Variants in DST observed in about 807,000 individuals in gnomAD.
The protein encoded by DST is bullous pemphigoid antigen.
A neutral mutation model predicts 875.2 loss-of-function variants in DST; 253 were observed. The ratio of observed to expected loss-of-function variants is 0.29; its 90% confidence interval spans 0.26 to 0.32. The LOEUF is 0.32. Among genes scored for constraint, DST ranks in the 10% least tolerant of loss-of-function variants. The pLI, the probability that DST is intolerant of heterozygous loss-of-function variation, is 1.00. For synonymous variants in DST, 3,124 were observed against 3,197.1 expected, an observed-to-expected ratio of 0.98 and a Z score of 0.77; for missense variants, 8,287 against 9,111.6, an observed-to-expected ratio of 0.91 and a Z score of 3.68.
At chr6:56,770,015 G>T (rs1211077380) in intron 4 of DST, among the ~76,000 whole-genome samples, 1 of 152,164 alleles carries the variant, frequency 6.6e-6, no homozygotes, top group Non-Finnish European at 1.5e-5. Flanking sequence ...TGGCTAAAGA[G>T]TTATTTATTG....
intron 32 of DST, 79 bp downstream of exon 32, chr6:56,629,171 C>G (rs755828857): frequency 1.4e-6 from 2 of 1,396,310 alleles, no homozygotes; most frequent in African/African-American, 1.4e-5. Flanking sequence ...AAAAAATAGC[C>G]TCATATGTGT....
intron 27 of DST, 32 bp from the exon 28 acceptor site, chr6:56,633,069 T>C: frequency 6.3e-7 from 1 of 1,587,976 alleles, no homozygotes; most frequent in South Asian, 1.1e-5. Context: ...TGTAATTCAT[T>C]CTATTACTCA....
intron 9 of DST, among the ~76,000 whole-genome samples, chr6:56,688,907 G>C (rs2099206771): frequency 6.6e-6 from 1 of 151,942 alleles, no homozygotes; most frequent in Non-Finnish European, 1.5e-5. Flanking sequence ...AATAACACTG[G>C]ACAAACAAAA....
chr6:56,528,673 T>C (rs1302173017), intron 67 of DST, among the ~76,000 whole-genome samples, 168 bp downstream of exon 67: 1 of 152,164 alleles, frequency 6.6e-6, no homozygotes, highest in Non-Finnish European at 1.5e-5. Flanking sequence ...AAAAGTGAGA[T>C]CATATCCTAA....
intron 9 of DST, among the ~76,000 whole-genome samples, chr6:56,690,878 G>A (rs567865698): frequency 1.2e-4 from 19 of 152,266 alleles, no homozygotes; most frequent in African/African-American, 4.6e-4. Flanking sequence ...CTAAACTCTT[G>A]ATTTGGACTC....
In DST at chr6:56,501,083, A is replaced by G. The variant is rs771233472; in HGVS notation, c.19893T>C (p.His6631=). 12 of 1,612,168 alleles carry G rather than the reference A, an allele frequency of 7.4e-6. No homozygotes were observed. The Admixed American group carries it at 1.7e-4, about 22-fold the overall frequency. Residue 6631 remains histidine (H), a synonymous_variant, in exon 80 of 104, where the codon CAT becomes CAC. Transcript: ENST00000680361. The part of the protein sequence containing the change: ...PKAIEIELAK[H]HVLQNDVLAH... ...ACATGCATTAACAGCTACGTACATG[A>G]TGCTTGGCAAGTTCAATTTCAATGG...
At chr6:56,824,437 G>A (rs1439964825) in intron 4 of DST, among the ~76,000 whole-genome samples, 1 of 152,196 alleles carries the variant, frequency 6.6e-6, no homozygotes, top group Non-Finnish European at 1.5e-5. Flanking sequence ...CCCCGTCTGG[G>A]AAGTGAGGAG....
At chr6:56,791,636 T>A (rs1436785332) in intron 4 of DST, among the ~76,000 whole-genome samples, 1 of 151,652 alleles carries the variant, frequency 6.6e-6, no homozygotes, top group East Asian at 1.9e-4. Flanking sequence ...TAATTTAAAA[T>A]TAGCCAAGTG....
chr6:56,513,743 G>C (rs1048572681), intron 72 of DST, among the ~76,000 whole-genome samples: 1 of 152,150 alleles, frequency 6.6e-6, no homozygotes, highest in Non-Finnish European at 1.5e-5. Context: ...TCAGGTATGT[G>C]TGTGTATCAG....
chr6:56,560,200 G>C, intron 58 of DST, 94 bp downstream of exon 58: 1 of 1,204,768 alleles, frequency 8.3e-7, no homozygotes, highest in Non-Finnish European at 1.1e-6. Context: ...CCAAAAATAA[G>C]TGACTGTTGA....
intron 5 of DST, among the ~76,000 whole-genome samples, chr6:56,711,770 A>T (rs1319192161): frequency 6.6e-6 from 1 of 152,172 alleles, no homozygotes; most frequent in Admixed American, 6.5e-5. Flanking sequence ...AGAACAGCTA[A>T]TAAATATTAT....
At chr6:56,824,298 C>T (rs919252678) in intron 4 of DST, among the ~76,000 whole-genome samples, 7 of 152,246 alleles carry the variant, frequency 4.6e-5, no homozygotes, top group Non-Finnish European at 1.0e-4. Flanking sequence ...GACGGAGTCT[C>T]GTTCACTCAG....
At chr6:56,733,751 A>G (rs1430941372) in intron 5 of DST, among the ~76,000 whole-genome samples, 1 of 151,760 alleles carries the variant, frequency 6.6e-6, no homozygotes, top group Non-Finnish European at 1.5e-5. Flanking sequence ...ACCTTTTACA[A>G]AAATGAAAAA....
intron 2 of DST, among the ~76,000 whole-genome samples, chr6:56,913,560 T>C (rs1799631830): frequency 6.6e-6 from 1 of 152,204 alleles, no homozygotes; most frequent in South Asian, 2.1e-4. Flanking sequence ...ACAGAGATCA[T>C]ATGACCTGCA....
At chr6:56,842,746 G>T (rs2099801831) in intron 4 of DST, among the ~76,000 whole-genome samples, 1 of 152,128 alleles carries the variant, frequency 6.6e-6, no homozygotes, top group Non-Finnish European at 1.5e-5. Flanking sequence ...CTCCCAGGAA[G>T]AATTATGATT....
intron 4 of DST, among the ~76,000 whole-genome samples, chr6:56,779,919 C>A (rs2099689003): frequency 7.6e-6 from 1 of 130,786 alleles, no homozygotes; most frequent in Non-Finnish European, 1.6e-5. Context: ...TGTTCCCCTT[C>A]CTGTGTCCAT....
intron 90 of DST, among the ~76,000 whole-genome samples, chr6:56,480,187 G>A (rs1349757418): frequency 6.6e-6 from 1 of 152,134 alleles, no homozygotes; most frequent in Non-Finnish European, 1.5e-5. Flanking sequence ...TCAATTGACA[G>A]CACACTCTGA....
chr6:56,649,380 T>C (rs180709925), intron 12 of DST, among the ~76,000 whole-genome samples: 9 of 152,368 alleles, frequency 5.9e-5, no homozygotes, highest in African/African-American at 2.2e-4. Context: ...GCAAGAGAGA[T>C]ACATAATATA....
chr6:56,620,509 C>T lies in DST; in HGVS notation c.4929+4021G>A, dbSNP rs2152739966. Reference sequence around the variant, plus strand: ...GAGAGATATCTTCTACATTTCTCTGCTGCTTTCTCAATTCATTTTCTGCAG... The same window carrying T: ...GAGAGATATCTTCTACATTTCTCTGTTGCTTTCTCAATTCATTTTCTGCAG... On this transcript the variant is annotated intron_variant, in intron 36 of 103. Coordinates refer to ENST00000680361, the MANE Select transcript of DST (RefSeq NM_001374736.1). 2 of 1,614,108 alleles carry T rather than the reference C, an allele frequency of 1.2e-6. No homozygotes were observed. The highest frequency in any genetic ancestry group is 1.7e-5 in the Admixed American group (1 of 60,022).
Sources: gnomAD v4.1 joint callset for allele counts (sites outside exome capture counted in the v4.1 genomes callset) on GRCh38, gnomAD v4.1.1 for gene constraint, MANE v1.5 for transcripts, NCBI Gene and HGNC (gene_info 2026-07-23, HGNC 2026-07-21) for gene names.